Variants in SHANK2 observed in about 807,000 individuals in gnomAD.
SHANK2 encodes the protein SH3 and multiple ankyrin repeat domains 2.
In SHANK2, 43 loss-of-function variants were observed where a neutral mutation model predicts 133.7. The ratio of observed to expected loss-of-function variants is 0.32; its 90% confidence interval spans 0.25 to 0.41. SHANK2 has a LOEUF of 0.41. Among genes scored for constraint, SHANK2 ranks in the 10% least tolerant of loss-of-function variants. The pLI, the probability that SHANK2 is intolerant of heterozygous loss-of-function variation, is 1.00. For missense variants in SHANK2, 1,994 were observed against 2,235.8 expected, an observed-to-expected ratio of 0.89 and a Z score of 2.18; for synonymous variants, 1,017 against 952.8, an observed-to-expected ratio of 1.07 and a Z score of -1.24.
chr11:70,904,673 A>C (rs1481164329), intron 10 of SHANK2, among the ~76,000 whole-genome samples: 6 of 151,914 alleles, frequency 3.9e-5, no homozygotes, highest in Admixed American at 3.9e-4. Flanking sequence ...ACACCTGGCT[A>C]ATTTTTCTAG....
intron 3 of SHANK2, among the ~76,000 whole-genome samples, chr11:71,140,338 C>T (rs1370780251): frequency 2.6e-5 from 4 of 152,216 alleles, no homozygotes; most frequent in Non-Finnish European, 5.9e-5. Flanking sequence ...CTGGAGCAGA[C>T]CTGTGGCTCC....
Position 70,486,812 on chromosome 11 carries a change from C to A in SHANK2, c.3481G>T (p.Ala1161Ser). The A allele has an allele frequency of 6.2e-7, 1 of 1,612,328 alleles. No individual in the cohort carries two copies. Among genetic ancestry groups the A allele is most frequent in the South Asian group, 1.1e-5 (1 of 91,084 alleles). The change falls in exon 25 of 26, where the codon GCC becomes TCC. Residue 1161 changes from alanine (A) to serine (S), a missense_variant. Coordinates refer to ENST00000601538, the MANE Select transcript of SHANK2 (RefSeq NM_012309.5). The surrounding 1 kb of genome is among the most constrained non-coding windows in gnomAD (Gnocchi z 8.0). Reference sequence around the variant, plus strand: ...GCCTCACCCGGAGCACTGGCCTCGGCGCCACCCACGAAATGGTTTTCGGGC... The same window carrying A: ...GCCTCACCCGGAGCACTGGCCTCGGAGCCACCCACGAAATGGTTTTCGGGC... ...REPENHFVGGAEASAPGEAGR... is the reference protein window; with the variant it reads ...REPENHFVGGSEASAPGEAGR...
chr11:71,234,402 T>TAAATAAC (rs1471555760), intron 1 of SHANK2, among the ~76,000 whole-genome samples: 93 of 148,944 alleles, frequency 6.2e-4, no homozygotes, highest in African/African-American at 2.2e-3. Flanking sequence ...AATAAATAAA[T>TAAATAAC]AACAACAAAA....
intron 3 of SHANK2, among the ~76,000 whole-genome samples, chr11:71,143,740 A>C (rs1162348715): frequency 6.6e-6 from 1 of 152,198 alleles, no homozygotes; most frequent in African/African-American, 2.4e-5. Flanking sequence ...TCAACATTAC[A>C]TAGTAAATAT....
intron 10 of SHANK2, among the ~76,000 whole-genome samples, chr11:70,911,381 A>G (rs371774116): frequency 6.6e-6 from 1 of 152,052 alleles, no homozygotes; most frequent in African/African-American, 2.4e-5. Flanking sequence ...ACAAAAAAAC[A>G]AAAAAACAAA....
At chr11:70,544,707 C>T (rs536156602) in intron 17 of SHANK2, among the ~76,000 whole-genome samples, 38 of 152,330 alleles carry the variant, frequency 2.5e-4, no homozygotes, top group Admixed American at 6.5e-4. Context: ...ATCCGGTAGG[C>T]GACAAAAGGG....
intron 14 of SHANK2, among the ~76,000 whole-genome samples, chr11:70,714,489 G>C (rs576594397): frequency 1.9e-4 from 29 of 152,312 alleles, no homozygotes; most frequent in African/African-American, 6.7e-4. Context: ...TGTGGAAATC[G>C]AGGCACCGGA....
intron 9 of SHANK2, among the ~76,000 whole-genome samples, chr11:71,074,004 T>G (rs1242065716): frequency 6.6e-6 from 1 of 152,158 alleles, no homozygotes; most frequent in Non-Finnish European, 1.5e-5. Context: ...TTATGGAGCA[T>G]GGACAGCATG....
chr11:71,150,728 C>T (rs1952780296), intron 2 of SHANK2, among the ~76,000 whole-genome samples: 1 of 152,034 alleles, frequency 6.6e-6, no homozygotes. Flanking sequence ...GTCCAACCAC[C>T]TAACACAATC....
chr11:70,688,673 G>A (rs1945208799), intron 15 of SHANK2, among the ~76,000 whole-genome samples: 1 of 152,216 alleles, frequency 6.6e-6, no homozygotes. Context: ...GCTGAGAGTG[G>A]ATGATCTTGT....
intron 17 of SHANK2, among the ~76,000 whole-genome samples, chr11:70,526,855 G>A (rs377443135): frequency 2.1e-5 from 3 of 143,636 alleles, no homozygotes; most frequent in African/African-American, 7.9e-5. Flanking sequence ...TGGCCCCCTC[G>A]GAATCACATC....
At chr11:71,236,508 A>C (rs1954827666) in intron 1 of SHANK2, among the ~76,000 whole-genome samples, 1 of 152,178 alleles carries the variant, frequency 6.6e-6, no homozygotes, top group South Asian at 2.1e-4. Flanking sequence ...GCTGCTCCAG[A>C]GACTGAGGCA....
intron 17 of SHANK2, among the ~76,000 whole-genome samples, chr11:70,620,989 C>A (rs544237300): frequency 2.0e-5 from 3 of 152,186 alleles, no homozygotes; most frequent in Non-Finnish European, 4.4e-5. Flanking sequence ...TCCGGTATGA[C>A]GTAATATCTG....
Position 70,852,168 on chromosome 11 carries a change from G to C in SHANK2, c.1175-31486C>G, listed in dbSNP as rs569646790. On this transcript the variant is annotated intron_variant, in intron 11 of 25. Coordinates refer to ENST00000601538, the MANE Select transcript of SHANK2 (RefSeq NM_012309.5). ...GAGCTCGGACTCAGACATGACACAC[G>C]GCCCACCTGTTAGAGCATATAGCTC... is the stretch of plus-strand genomic sequence containing the variant. Among the ~76,000 whole-genome samples, 20 of 152,308 alleles carry C rather than the reference G, an allele frequency of 1.3e-4. No individual in the cohort carries two copies. The East Asian group carries it at 3.9e-3, about 29-fold the overall frequency.
At chr11:70,786,348 A>G (rs1191755218) in intron 14 of SHANK2, among the ~76,000 whole-genome samples, 10 of 152,156 alleles carry the variant, frequency 6.6e-5, no homozygotes, top group Admixed American at 5.9e-4. Context: ...GTGAGGGCAG[A>G]GCAGGAGTGA....
At chr11:70,737,994 T>A (rs539002678) in intron 14 of SHANK2, among the ~76,000 whole-genome samples, 82 of 152,362 alleles carry the variant, frequency 5.4e-4, no homozygotes, top group African/African-American at 1.8e-3. Context: ...CCAGGCCTCA[T>A]GATGCCAGGA....
chr11:71,106,162 T>C (rs1951799350), intron 6 of SHANK2, among the ~76,000 whole-genome samples: 1 of 152,252 alleles, frequency 6.6e-6, no homozygotes, highest in African/African-American at 2.4e-5. Context: ...GCTCTGCTCA[T>C]TTCACAAAAG....
Position 70,910,484 on chromosome 11 carries a change from G to C in SHANK2, c.1108-13917C>G, listed in dbSNP as rs183749111. On this transcript the variant is annotated intron_variant, in intron 10 of 25. Transcript: ENST00000601538. ...CTGCCTCTCCCATCCCCATGATTCGGTTATGAAAAGTGTCACACCCACCGA... is the reference window on the plus strand; with the variant it reads ...CTGCCTCTCCCATCCCCATGATTCGCTTATGAAAAGTGTCACACCCACCGA... 3.5e-4 allele frequency among the ~76,000 whole-genome samples: 54 copies of C among 152,268 alleles called. 1 individual carries two copies. In the East Asian group the frequency reaches 5.4e-3, roughly 15 times the overall value.
At chr11:70,705,356 C>G (rs1049112851) in intron 14 of SHANK2, 7 of 152,152 alleles carry the variant, frequency 4.6e-5, no homozygotes, top group Non-Finnish European at 1.0e-4. Flanking sequence ...TGGGCCAGTA[C>G]ATCCTAGGCA....
Sources: gnomAD v4.1 joint callset for allele counts (sites outside exome capture counted in the v4.1 genomes callset) on GRCh38, gnomAD v4.1.1 for gene constraint, Gnocchi (gnomAD v3.1) non-coding constraint, MANE v1.5 for transcripts, NCBI Gene and HGNC (gene_info 2026-07-23, HGNC 2026-07-21) for gene names.